Variants in NDST4 observed in about 807,000 individuals in gnomAD.
NDST4 encodes the protein N-heparan sulfate sulfotransferase 4.
A neutral mutation model predicts 100.8 loss-of-function variants in NDST4; 63 were observed. The observed-to-expected ratio is 0.62, with a 90% CI of 0.51 to 0.77. NDST4 has a LOEUF of 0.77. Ranked by LOEUF, NDST4 falls within the 30% of genes least tolerant of loss-of-function variation. The pLI, the probability that NDST4 is intolerant of heterozygous loss-of-function variation, is 0.00. For missense variants in NDST4, 943 were observed against 1,018.4 expected, an observed-to-expected ratio of 0.93 and a Z score of 1.01; for synonymous variants, 377 against 361.8, an observed-to-expected ratio of 1.04 and a Z score of -0.48.
At chr4:114,894,428 T>C (rs974053377) in intron 6 of NDST4, among the ~76,000 whole-genome samples, 10 of 152,304 alleles carry the variant, frequency 6.6e-5, no homozygotes, top group Non-Finnish European at 1.3e-4. Flanking sequence ...AGCAATGTTT[T>C]GTAGTTCTCT....
At chr4:115,073,314 G>C (rs1729115446) in intron 2 of NDST4, among the ~76,000 whole-genome samples, 1 of 151,922 alleles carries the variant, frequency 6.6e-6, no homozygotes, top group Non-Finnish European at 1.5e-5. Flanking sequence ...CTACTATTGG[G>C]TATATATCAA....
chr4:115,007,466 G>C (rs1727444412), intron 2 of NDST4, among the ~76,000 whole-genome samples: 1 of 152,136 alleles, frequency 6.6e-6, no homozygotes, highest in South Asian at 2.1e-4. Flanking sequence ...AGAGTAAACA[G>C]ACAAAAACTG....
chr4:114,961,892 A>G (rs1186990241), intron 4 of NDST4, among the ~76,000 whole-genome samples: 1 of 152,118 alleles, frequency 6.6e-6, no homozygotes, highest in East Asian at 1.9e-4. Flanking sequence ...AAAGAAAAAG[A>G]AATGTGCAGA....
intron 1 of NDST4, among the ~76,000 whole-genome samples, chr4:115,085,436 G>A (rs1240156645): frequency 6.6e-6 from 1 of 152,074 alleles, no homozygotes; most frequent in African/African-American, 2.4e-5. Flanking sequence ...GGGAGGGGCA[G>A]GGCCATAATA....
intron 4 of NDST4, among the ~76,000 whole-genome samples, chr4:114,941,777 C>T (rs1314213558): frequency 3.9e-5 from 6 of 152,118 alleles, no homozygotes; most frequent in East Asian, 1.9e-4. Context: ...AGGAGTACAG[C>T]GTACAATCTG....
At chr4:115,093,324 A>C (rs1729556322) in intron 1 of NDST4, among the ~76,000 whole-genome samples, 1 of 151,954 alleles carries the variant, frequency 6.6e-6, no homozygotes, top group Non-Finnish European at 1.5e-5. Context: ...AAATACAAAA[A>C]GTTAGCTGGG....
intron 6 of NDST4, among the ~76,000 whole-genome samples, chr4:114,885,148 T>C (rs1289709489): frequency 1.3e-5 from 2 of 152,122 alleles, no homozygotes; most frequent in African/African-American, 2.4e-5. Flanking sequence ...CTGATCTGCA[T>C]GCCAACAGGC....
intron 2 of NDST4, among the ~76,000 whole-genome samples, chr4:114,983,266 C>T (rs1425350078): frequency 2.0e-5 from 3 of 152,216 alleles, no homozygotes; most frequent in African/African-American, 7.2e-5. Flanking sequence ...CACTGACCAG[C>T]TTCCACTGTG....
At chr4:114,980,103 G>T (rs145402501) in intron 2 of NDST4, among the ~76,000 whole-genome samples, 27 of 152,196 alleles carry the variant, frequency 1.8e-4, no homozygotes, top group African/African-American at 6.3e-4. Flanking sequence ...TAGGAATAAT[G>T]TAAAATGTCA....
intron 4 of NDST4, among the ~76,000 whole-genome samples, chr4:114,964,838 T>C (rs1414491622): frequency 6.6e-6 from 1 of 152,158 alleles, no homozygotes; most frequent in Non-Finnish European, 1.5e-5. Flanking sequence ...CTTATATAAG[T>C]GGAATTATGC....
intron 2 of NDST4, among the ~76,000 whole-genome samples, chr4:115,068,715 G>A (rs1279251957): frequency 6.6e-6 from 1 of 150,660 alleles, no homozygotes; most frequent in African/African-American, 2.4e-5. Flanking sequence ...TACTCAGGAG[G>A]CTGAGGCAGA....
intron 4 of NDST4, among the ~76,000 whole-genome samples, chr4:114,942,389 A>T (rs887069057): frequency 3.2e-4 from 48 of 152,144 alleles, no homozygotes; most frequent in African/African-American, 8.9e-4. Context: ...TTAATTTTTT[A>T]AAAAATATAT....
chr4:114,941,806 A>T (rs1233386936), intron 4 of NDST4, among the ~76,000 whole-genome samples: 1 of 152,202 alleles, frequency 6.6e-6, no homozygotes, highest in Non-Finnish European at 1.5e-5. Context: ...GTCCTTCCAA[A>T]GATTTTGGAA....
At chr4:115,018,438 TATTG>T (rs1316280148) in intron 2 of NDST4, among the ~76,000 whole-genome samples, 1 of 152,024 alleles carries the variant, frequency 6.6e-6, no homozygotes, top group African/African-American at 2.4e-5. Flanking sequence ...TGTATTTTAA[TATTG>T]ATTGTGTGTT....
chr4:114,957,514 A>T (rs1261428315), intron 4 of NDST4, among the ~76,000 whole-genome samples: 1 of 152,206 alleles, frequency 6.6e-6, no homozygotes, highest in African/African-American at 2.4e-5. Flanking sequence ...TGGTGGTGAC[A>T]CAGCCAAACC....
At chr4:114,978,576 CTAAA>C (rs1726695503) in intron 2 of NDST4, among the ~76,000 whole-genome samples, 1 of 151,968 alleles carries the variant, frequency 6.6e-6, no homozygotes, top group Non-Finnish European at 1.5e-5. Flanking sequence ...AGAGATTAAA[CTAAA>C]TATTAAAAAC....
intron 1 of NDST4, among the ~76,000 whole-genome samples, chr4:115,092,920 A>T (rs577465177): frequency 7.2e-5 from 11 of 152,186 alleles, no homozygotes; most frequent in Non-Finnish European, 1.5e-4. Context: ...TTGCAGATTG[A>T]CTGAAAAAAT....
At chr4:115,063,460 A>G (rs1728866046) in intron 2 of NDST4, among the ~76,000 whole-genome samples, 1 of 151,964 alleles carries the variant, frequency 6.6e-6, no homozygotes, top group South Asian at 2.1e-4. Context: ...TTCCATGATA[A>G]TTTAATTTAT....
At chr4:114,977,666 G>A (rs1227524532) in intron 2 of NDST4, among the ~76,000 whole-genome samples, 1 of 151,904 alleles carries the variant, frequency 6.6e-6, no homozygotes, top group East Asian at 1.9e-4. Flanking sequence ...GCAATAGGAG[G>A]AGAACTTTTG....
Sources: gnomAD v4.1 joint callset for allele counts (sites outside exome capture counted in the v4.1 genomes callset) on GRCh38, gnomAD v4.1.1 for gene constraint, MANE v1.5 for transcripts, NCBI Gene and HGNC (gene_info 2026-07-23, HGNC 2026-07-21) for gene names.